The following TNXB variants were observed in gnomAD, a reference collection of about 807,000 sequenced individuals.
The protein encoded by TNXB is tenascin XB.
A neutral mutation model predicts 340.5 loss-of-function variants in TNXB; 183 were observed. That is an observed-to-expected ratio of 0.54 (90% confidence interval 0.48 to 0.61). TNXB has a LOEUF of 0.61. TNXB is among the 20% of genes least tolerant of loss of function. The pLI is 0.00. For missense variants in TNXB, 4,613 were observed against 5,446.4 expected (o/e 0.85, Z 4.82); for synonymous variants, 2,121 against 2,314.5 (o/e 0.92, Z 2.40).
Position 32,095,985 on chromosome 6 carries a change from G to A in TNXB, c.1868C>T (p.Ser623Phe). The stretch of plus-strand genomic sequence containing the variant: ...ACAGCGGCCCCTCCCGTGGCAGTTG[G>A]AGGGGCAGGTGCGGATGCTGCAGTC... ...SEDCSIRTCPSNCHGRGRCEE... is the reference protein window; with the variant it reads ...SEDCSIRTCPFNCHGRGRCEE... The change falls in exon 3 of 44, where the codon TCC becomes TTC. Residue 623 changes from serine (S) to phenylalanine (F), a missense_variant. Coordinates refer to ENST00000644971, the MANE Select transcript of TNXB (RefSeq NM_001365276.2). The A allele has an allele frequency of 2.5e-6, 4 of 1,612,872 alleles. No homozygotes were observed. Among genetic ancestry groups the A allele is most frequent in the Non-Finnish European group, 3.4e-6 (4 of 1,179,704 alleles).
rs1396932350 is a variant in TNXB at position 32,043,635 on chromosome 6, G to A, written c.11531-79C>T. ...CCTCCCCAGACTCCACTGGCCTCCC[G>A]TCCGCAATCGGAGCCTCCACCACCT... On this transcript the variant is annotated intron_variant, in intron 35 of 43. Coordinates refer to ENST00000644971, the MANE Select transcript of TNXB (RefSeq NM_001365276.2). The A allele has an allele frequency of 3.4e-5, 50 of 1,470,772 alleles. 1 individual carries two copies. In the Admixed American group the frequency reaches 3.9e-4, roughly 11 times the overall value. 91.1% of individuals were successfully genotyped at this position (1,470,772 alleles called of 1,614,324 possible).
chr6:32,074,049 T>C lies in TNXB; in HGVS notation c.4376-97A>G. 1.7e-6 allele frequency: 2 copies of C among 1,209,338 alleles called. No individual in the cohort carries two copies. Among genetic ancestry groups the C allele is most frequent in the East Asian group, 2.6e-5 (1 of 38,502 alleles). 74.9% of individuals were successfully genotyped at this position (1,209,338 alleles called of 1,614,324 possible). A position where few individuals can be genotyped will look rare whatever the true frequency, so the allele number is the denominator to read the frequency against. On this transcript the variant is annotated intron_variant, in intron 11 of 43. Transcript: ENST00000644971. This position sits in a 1 kb window ranked among gnomAD's most constrained non-coding sequence, Gnocchi z 5.5. ...TATTTTTTATTTTTTATTTTTGAGATGGAGTCTCGCTGTCACCCAGAGCAG... is the reference window on the plus strand; with the variant it reads ...TATTTTTTATTTTTTATTTTTGAGACGGAGTCTCGCTGTCACCCAGAGCAG...
At chr6:32,101,893 T>C (rs1780739873) in intron 1 of TNXB, among the ~76,000 whole-genome samples, 1 of 151,958 alleles carries the variant, frequency 6.6e-6, no homozygotes, top group African/African-American at 2.4e-5. Flanking sequence ...CTGGCTAATT[T>C]TTAAATTTTT....
At chr6:32,048,872 G>T (rs1347712390) in intron 28 of TNXB, among the ~76,000 whole-genome samples, 1 of 152,214 alleles carries the variant, frequency 6.6e-6, no homozygotes, top group African/African-American at 2.4e-5. Context: ...CCCCAACTTT[G>T]CAGGAATCTG....
At chr6:32,099,968 A>AC (rs1293981616) in intron 1 of TNXB, among the ~76,000 whole-genome samples, 2 of 150,730 alleles carry the variant, frequency 1.3e-5, no homozygotes, top group Non-Finnish European at 2.9e-5. Flanking sequence ...AAAAAAAAAA[A>AC]AACAGTCATT....
In TNXB at chr6:32,043,767, T is replaced by C. The variant is rs781091679; in HGVS notation, c.11512A>G (p.Thr3838Ala). Reference protein sequence around the residue: ...VRGFEESEPLTGFLTTVPDGP... With the variant: ...VRGFEESEPLAGFLTTVPDGP... Reference sequence around the variant, plus strand: ...ATCTCACCCGTGGTGAGGAAGCCTGTGAGAGGCTCACTCTCCTCAAAGCCT... The same window carrying C: ...ATCTCACCCGTGGTGAGGAAGCCTGCGAGAGGCTCACTCTCCTCAAAGCCT... Residue 3838 changes from threonine (T) to alanine (A), a missense_variant, in exon 35 of 44, where the codon ACA (threonine) becomes GCA (alanine). This residue lies in a region of TNXB where 114 missense variants were observed against 104.5 expected (regional missense o/e 1.09). Transcript: ENST00000644971. The C allele has an allele frequency of 1.2e-6, 2 of 1,613,384 alleles. No individual in the cohort carries two copies. The highest frequency in any genetic ancestry group is 2.7e-5 in the African/African-American group (2 of 74,912).
rs1278006788 is a variant in TNXB, at chr6:32,047,798, C to T, written c.10260G>A (p.Arg3420=). 1.2e-6 allele frequency: 2 copies of T among 1,610,446 alleles called. No homozygotes were observed. The highest frequency in any genetic ancestry group is 1.7e-6 in the Non-Finnish European group (2 of 1,178,994). The change falls in exon 30 of 44, where the codon AGG becomes AGA. Residue 3420 remains arginine, a synonymous_variant. Coordinates refer to ENST00000644971, the MANE Select transcript of TNXB (RefSeq NM_001365276.2). The surrounding 1 kb of genome is among the most constrained non-coding windows in gnomAD (Gnocchi z 6.2). ...VQGLEPSRKY[R]FLLYGLSGRK... is the part of the protein sequence containing the mutation. ...TGCCTGACAGACCATAGAGCAGGAA[C>T]CTGTATTTCCTACTGGGCTCCAGGC...
chr6:32,105,661 G>A (rs1444592239), intron 1 of TNXB, among the ~76,000 whole-genome samples: 1 of 152,232 alleles, frequency 6.6e-6, no homozygotes, highest in Non-Finnish European at 1.5e-5. Context: ...GGGACTGGAA[G>A]TTGGTTAGAC....
chr6:32,102,745 C>T (rs1780782840), intron 1 of TNXB, among the ~76,000 whole-genome samples: 1 of 149,748 alleles, frequency 6.7e-6, no homozygotes, highest in African/African-American at 2.5e-5. Context: ...CACGGTGAAA[C>T]CCTGTCTCTA....
At chr6:32,057,790 G>C (rs992637172) in intron 22 of TNXB, among the ~76,000 whole-genome samples, 8 of 152,188 alleles carry the variant, frequency 5.3e-5, no homozygotes, top group African/African-American at 1.9e-4. Flanking sequence ...TCAGGTCCTG[G>C]CTGTCCCCTG....
In TNXB at chr6:32,081,881, G is replaced by A. The variant is rs528497455; in HGVS notation, c.3736+155C>T. Reference sequence around the variant, plus strand: ...TGCTTGGGATGGAAGGGGCCCAGCAGTGCGGGGGAGTCTGGCTGCCCCTCA... The same window carrying A: ...TGCTTGGGATGGAAGGGGCCCAGCAATGCGGGGGAGTCTGGCTGCCCCTCA... On this transcript the variant is annotated intron_variant, in intron 9 of 43. Coordinates refer to ENST00000644971, the MANE Select transcript of TNXB (RefSeq NM_001365276.2). This position sits in a 1 kb window ranked among gnomAD's most constrained non-coding sequence, Gnocchi z 5.1. Among the ~76,000 whole-genome samples the A allele has an allele frequency of 6.6e-6, 1 of 152,306 alleles. No homozygotes were observed. Among genetic ancestry groups the A allele is most frequent in the African/African-American group, 2.4e-5 (1 of 41,564 alleles).
chr6:32,098,670 G>A (rs1265888), intron 1 of TNXB, among the ~76,000 whole-genome samples: 15,724 of 152,044 alleles, frequency 0.1, 986 homozygotes, highest in Non-Finnish European at 0.15. Flanking sequence ...AGTAGAGACC[G>A]GGTTTCTCCA....
Position 32,069,145 on chromosome 6 carries a change from CAG to C in TNXB, c.5588-11_5588-10del. Reference sequence around the variant, plus strand: ...CGTTTCTTCCCTGCCGGCTGGTTCACAGAGACAGGTAGAGACAGATGGCTGGT... The same window carrying C: ...CGTTTCTTCCCTGCCGGCTGGTTCACAGACAGGTAGAGACAGATGGCTGGT... On this transcript the variant is annotated splice_polypyrimidine_tract_variant and intron_variant, in intron 15 of 43. Transcript: ENST00000644971. This position sits in a 1 kb window ranked among gnomAD's most constrained non-coding sequence, Gnocchi z 6.2. 2 of 1,601,060 alleles carry C rather than the reference CAG, an allele frequency of 1.2e-6. No homozygotes were observed. Among genetic ancestry groups the C allele is most frequent in the Non-Finnish European group, 1.7e-6 (2 of 1,176,754 alleles).
In TNXB at chr6:32,061,817, T is replaced by G. The variant is rs1351400180; in HGVS notation, c.7169-97A>C. 4.7e-6 allele frequency: 7 copies of G among 1,483,424 alleles called. No individual in the cohort carries two copies. Among genetic ancestry groups the G allele is most frequent in the Middle Eastern group, 2.0e-4 (1 of 5,070 alleles). 91.9% of individuals were successfully genotyped at this position (1,483,424 alleles called of 1,614,324 possible). On this transcript the variant is annotated intron_variant, in intron 20 of 43. Coordinates refer to ENST00000644971, the MANE Select transcript of TNXB (RefSeq NM_001365276.2). The surrounding 1 kb of genome is among the most constrained non-coding windows in gnomAD (Gnocchi z 4.4). The stretch of plus-strand genomic sequence containing the variant: ...GAGAAGGCTATGACTAGGGGACATA[T>G]GAAATAGCCAAGGCTATGACTAGGG...
chr6:32,048,776 T>C, intron 28 of TNXB, 126 bp from the exon 29 acceptor site: 1 of 954,336 alleles, frequency 1.0e-6, no homozygotes, highest in Non-Finnish European at 1.4e-6. Flanking sequence ...TTAGAATCTG[T>C]GCCCTGCATT....
In TNXB at chr6:32,046,322, C is replaced by T; in HGVS notation, c.10459G>A (p.Asp3487Asn). Reference protein sequence around the residue: ...DSFVVQYRDTDGQPRAVPVAA... With the variant: ...DSFVVQYRDTNGQPRAVPVAA... ...ACAGGCACTGCCCTGGGCTGCCCGTCCGTGTCCCTGTACTGGACCACGAAG... is the reference window on the plus strand; with the variant it reads ...ACAGGCACTGCCCTGGGCTGCCCGTTCGTGTCCCTGTACTGGACCACGAAG... The change falls in exon 31 of 44, where the codon GAC becomes AAC. Residue 3487 changes from aspartate (D) to asparagine (N), a missense_variant. Asp to Asn is a conservative substitution (Grantham distance 23, BLOSUM62 1). Around this residue, in one of 7 missense-constraint regions of TNXB, gnomAD observed 4,327 missense variants for 4,859.4 expected, o/e 0.89. Coordinates refer to ENST00000644971, the MANE Select transcript of TNXB (RefSeq NM_001365276.2). This position sits in a 1 kb window ranked among gnomAD's most constrained non-coding sequence, Gnocchi z 6.9. 1.2e-6 allele frequency: 2 copies of T among 1,606,792 alleles called. No homozygotes were observed. The highest frequency in any genetic ancestry group is 1.7e-6 in the Non-Finnish European group (2 of 1,178,158).
chr6:32,064,851 C>T lies in TNXB; in HGVS notation c.6811G>A (p.Val2271Met), dbSNP rs140770834. ...NLYGFHGGQR[V>M]GPVSAVGLTA... ...AAACCAACAGCAGACACGGGGCCCA[C>T]GCGCTGGCCACCGTGGAAGCCGTAC... is the stretch of plus-strand genomic sequence containing the variant. Residue 2271 changes from valine (V) to methionine (M), a missense_variant, in exon 19 of 44, where the codon GTG becomes ATG. Coordinates refer to ENST00000644971, the MANE Select transcript of TNXB (RefSeq NM_001365276.2). The surrounding 1 kb of genome is among the most constrained non-coding windows in gnomAD (Gnocchi z 5.3). 14 of 1,611,030 alleles carry T rather than the reference C, an allele frequency of 8.7e-6. No homozygotes were observed. Among genetic ancestry groups the T allele is most frequent in the Admixed American group, 3.3e-5 (2 of 60,002 alleles).
chr6:32,071,980 C>T lies in TNXB; in HGVS notation c.4990+10G>A, dbSNP rs758269874. On this transcript the variant is annotated intron_variant, in intron 13 of 43. Transcript: ENST00000644971. Reference sequence around the variant, plus strand: ...GGCCTCAGGCTCAGCTGTGTAGGGGCCCATCTCACCCGTCTTTGCCTCCAC... The same window carrying T: ...GGCCTCAGGCTCAGCTGTGTAGGGGTCCATCTCACCCGTCTTTGCCTCCAC... 4 of 1,584,468 alleles carry T rather than the reference C, an allele frequency of 2.5e-6. No homozygotes were observed. In the East Asian group the frequency reaches 6.7e-5, roughly 27 times the overall value.
intron 23 of TNXB, 130 bp downstream of exon 23, chr6:32,056,456 G>T (rs1777648458): frequency 6.9e-7 from 1 of 1,458,274 alleles, no homozygotes; most frequent in African/African-American, 1.4e-5. Flanking sequence ...AAGGCCCAAG[G>T]GGAGCCCCAG....
Sources: gnomAD v4.1 joint callset for allele counts (sites outside exome capture counted in the v4.1 genomes callset) on GRCh38, gnomAD v4.1.1 for gene constraint, gnomAD v4.1.1 regional missense constraint, Gnocchi (gnomAD v3.1) non-coding constraint, MANE v1.5 for transcripts, NCBI Gene and HGNC (gene_info 2026-07-23, HGNC 2026-07-21) for gene names.